The following CAMK1D variants were observed in gnomAD, a reference collection of about 807,000 sequenced individuals.
The protein encoded by CAMK1D is calcium/calmodulin-dependent protein kinase type 1D.
CAMK1D carries 9 observed loss-of-function variants against 47.7 expected under a neutral mutation model. That is an observed-to-expected ratio of 0.19 (90% confidence interval 0.11 to 0.33). CAMK1D has a LOEUF of 0.33. Among genes scored for constraint, CAMK1D ranks in the 10% least tolerant of loss-of-function variants. CAMK1D has a pLI of 1.00. For synonymous variants in CAMK1D, 184 were observed against 184.9 expected (o/e 0.99, Z 0.04); for missense variants, 291 against 488.7 (o/e 0.60, Z 3.81).
At chr10:12,414,195 G>GT in intron 1 of CAMK1D, among the ~76,000 whole-genome samples, 1 of 152,204 alleles carries the variant, frequency 6.6e-6, no homozygotes, top group East Asian at 1.9e-4. Flanking sequence ...GAGATAGAAG[G>GT]AATGGAGATG....
At position 12,615,724 on chromosome 10, in the gene CAMK1D, G is replaced by A. The variant is rs555454864; in HGVS notation, c.225-51012G>A. On this transcript the variant is annotated intron_variant, in intron 2 of 10. Transcript: ENST00000619168. ...GGTGTCTATAGATGTGTAGGTGTGA[G>A]TGTGCATGTGTGTGGGGGTGTGTAT... is the stretch of plus-strand genomic sequence containing the variant. 4.6e-5 allele frequency among the ~76,000 whole-genome samples: 7 copies of A among 151,730 alleles called. No individual in the cohort carries two copies. In the South Asian group the frequency reaches 1.5e-3, roughly 32 times the overall value.
At chr10:12,533,818 G>A (rs7079055) in intron 1 of CAMK1D, among the ~76,000 whole-genome samples, 36,964 of 152,052 alleles carry the variant, frequency 0.24, 4,910 homozygotes, top group South Asian at 0.36. Flanking sequence ...CTAGTATGGT[G>A]GCTCTGTAAA....
At chr10:12,800,319 A>G (rs1356765441) in intron 6 of CAMK1D, among the ~76,000 whole-genome samples, 1 of 152,244 alleles carries the variant, frequency 6.6e-6, no homozygotes, top group Non-Finnish European at 1.5e-5. Flanking sequence ...AGTACAAAAG[A>G]TTTATCAGCT....
At chr10:12,432,538 A>G (rs1832515169) in intron 1 of CAMK1D, among the ~76,000 whole-genome samples, 1 of 152,248 alleles carries the variant, frequency 6.6e-6, no homozygotes, top group African/African-American at 2.4e-5. Context: ...CAAATGAATG[A>G]GTGAATGGAT....
intron 2 of CAMK1D, among the ~76,000 whole-genome samples, chr10:12,638,964 C>G (rs2132482327): frequency 6.6e-6 from 1 of 152,292 alleles, no homozygotes; most frequent in East Asian, 1.9e-4. Flanking sequence ...TGCTGTCTTC[C>G]TTTCTCCTCT....
At chr10:12,392,148 C>G (rs1448906454) in intron 1 of CAMK1D, among the ~76,000 whole-genome samples, 2 of 151,956 alleles carry the variant, frequency 1.3e-5, no homozygotes, top group African/African-American at 4.8e-5. Context: ...ACTAAACATA[C>G]AAAATTAGCC....
chr10:12,429,072 G>T (rs1419325062), intron 1 of CAMK1D, among the ~76,000 whole-genome samples: 1 of 152,136 alleles, frequency 6.6e-6, no homozygotes, highest in East Asian at 1.9e-4. Context: ...AGGAATGGGG[G>T]TATGGTGTGG....
At chr10:12,462,416 G>C (rs1833461473) in intron 1 of CAMK1D, among the ~76,000 whole-genome samples, 1 of 151,562 alleles carries the variant, frequency 6.6e-6, no homozygotes. Context: ...CGCCCACCCT[G>C]GCCTCCCAAA....
intron 6 of CAMK1D, among the ~76,000 whole-genome samples, chr10:12,802,669 T>A (rs960208468): frequency 2.6e-5 from 4 of 152,154 alleles, no homozygotes; most frequent in Admixed American, 1.3e-4. Context: ...TACAGCTGTG[T>A]GCCACCACGC....
At chr10:12,737,092 C>A (rs1835223002) in intron 3 of CAMK1D, among the ~76,000 whole-genome samples, 1 of 152,160 alleles carries the variant, frequency 6.6e-6, no homozygotes, top group Admixed American at 6.5e-5. Flanking sequence ...GGGCCAGGGG[C>A]TGGACAGACA....
At chr10:12,516,244 G>T (rs987592870) in intron 1 of CAMK1D, among the ~76,000 whole-genome samples, 1 of 152,140 alleles carries the variant, frequency 6.6e-6, no homozygotes, top group African/African-American at 2.4e-5. Context: ...GAGTAGCTGG[G>T]ATTACAGTTG....
chr10:12,432,965 T>C (rs942033974), intron 1 of CAMK1D, among the ~76,000 whole-genome samples: 2 of 152,198 alleles, frequency 1.3e-5, no homozygotes, highest in Non-Finnish European at 2.9e-5. Flanking sequence ...TAAATGCCAG[T>C]GCTATGCAGG....
chr10:12,605,774 G>A lies in CAMK1D; in HGVS notation c.224+52418G>A, dbSNP rs189081524. Among the ~76,000 whole-genome samples, 205 of 152,290 alleles carry A rather than the reference G, an allele frequency of 1.3e-3. 1 individual carries two copies. Among genetic ancestry groups the A allele is most frequent in the African/African-American group, 4.7e-3 (195 of 41,572 alleles). ...TGGGCTGTCCTTGGACAGGGCCATG[G>A]GATGCCACTTCCCTCTCTCTCCCTT... is the stretch of plus-strand genomic sequence containing the variant. On this transcript the variant is annotated intron_variant, in intron 2 of 10. Coordinates refer to ENST00000619168, the MANE Select transcript of CAMK1D (RefSeq NM_153498.4).
chr10:12,388,591 A>G (rs1204633644), intron 1 of CAMK1D, among the ~76,000 whole-genome samples: 2 of 152,214 alleles, frequency 1.3e-5, no homozygotes, highest in Non-Finnish European at 2.9e-5. Context: ...GGCACAAGAA[A>G]ACATACCTGT....
intron 3 of CAMK1D, among the ~76,000 whole-genome samples, chr10:12,696,898 G>C (rs1452304932): frequency 6.6e-6 from 1 of 152,166 alleles, no homozygotes; most frequent in Non-Finnish European, 1.5e-5. Context: ...CATCTTTGCA[G>C]TCTTCTTTAA....
At chr10:12,818,925 G>A (rs1349234074) in intron 8 of CAMK1D, among the ~76,000 whole-genome samples, 3 of 152,138 alleles carry the variant, frequency 2.0e-5, no homozygotes, top group Non-Finnish European at 4.4e-5. Flanking sequence ...AGTATGCGAC[G>A]ATAAAGGTAA....
intron 1 of CAMK1D, among the ~76,000 whole-genome samples, chr10:12,502,041 A>T: frequency 6.8e-6 from 1 of 146,746 alleles, no homozygotes. Flanking sequence ...GAGGGCAGGC[A>T]GCCACCAGGG....
chr10:12,819,271 A>G (rs1027826144), intron 8 of CAMK1D, among the ~76,000 whole-genome samples: 5 of 152,202 alleles, frequency 3.3e-5, no homozygotes, highest in African/African-American at 1.2e-4. Context: ...AAGAGGAGGG[A>G]ATTCCAGGCA....
intron 1 of CAMK1D, among the ~76,000 whole-genome samples, chr10:12,492,178 G>A (rs1834405226): frequency 6.6e-6 from 1 of 152,026 alleles, no homozygotes; most frequent in African/African-American, 2.4e-5. Context: ...TACTGTGGCT[G>A]TTGCGGCTGC....
Sources: gnomAD v4.1 joint callset for allele counts (sites outside exome capture counted in the v4.1 genomes callset) on GRCh38, gnomAD v4.1.1 for gene constraint, MANE v1.5 for transcripts, NCBI Gene and HGNC (gene_info 2026-07-23, HGNC 2026-07-21) for gene names.